SMOC2: variants seen among roughly 807,000 people sequenced by gnomAD.
SMOC2 encodes the protein SPARC-related modular calcium-binding protein 2.
A neutral mutation model predicts 61.4 loss-of-function variants in SMOC2; 39 were observed. The ratio of observed to expected loss-of-function variants is 0.64; its 90% CI spans 0.49 to 0.83. SMOC2 has a LOEUF of 0.83. Ranked by LOEUF, SMOC2 falls within the 40% of genes least tolerant of loss-of-function variation. The pLI is 0.00. For missense variants in SMOC2, 556 were observed against 592.9 expected (o/e 0.94, Z 0.65); for synonymous variants, 247 against 239.9 (o/e 1.03, Z -0.27).
At chr6:168,655,318 A>C in intron 11 of SMOC2, 1 of 441,744 alleles carries the variant, frequency 2.3e-6, no homozygotes, top group Non-Finnish European at 4.6e-6. Flanking sequence ...GGCCCAGACC[A>C]GTTATTCCAA....
chr6:168,456,758 G>T, intron 1 of SMOC2, among the ~76,000 whole-genome samples: 1 of 152,166 alleles, frequency 6.6e-6, no homozygotes, highest in South Asian at 2.1e-4. Flanking sequence ...GGAGGAGAAG[G>T]TGGGATTTCC....
At chr6:168,520,932 C>T (rs530833010) in intron 2 of SMOC2, among the ~76,000 whole-genome samples, 27 of 152,322 alleles carry the variant, frequency 1.8e-4, no homozygotes, top group African/African-American at 6.0e-4. Context: ...TCCCTTTTAA[C>T]TGTTCCTTTT....
intron 1 of SMOC2, among the ~76,000 whole-genome samples, chr6:168,497,782 C>T (rs1447555367): frequency 6.6e-6 from 1 of 152,200 alleles, no homozygotes; most frequent in East Asian, 1.9e-4. Context: ...GGTCTCCTTA[C>T]AACCACGTTT....
chr6:168,633,507 A>G (rs1263088506), intron 9 of SMOC2, among the ~76,000 whole-genome samples: 1 of 152,234 alleles, frequency 6.6e-6, no homozygotes, highest in African/African-American at 2.4e-5. Context: ...GATTTGAACT[A>G]TTGTAAAGAA....
chr6:168,600,995 C>T (rs1785538534), intron 8 of SMOC2, among the ~76,000 whole-genome samples: 2 of 152,150 alleles, frequency 1.3e-5, no homozygotes. Context: ...TCGATGTGTC[C>T]TAGATTTATA....
intron 1 of SMOC2, among the ~76,000 whole-genome samples, chr6:168,481,154 TC>T (rs1167941970): frequency 6.6e-6 from 1 of 152,102 alleles, no homozygotes; most frequent in Non-Finnish European, 1.5e-5. Flanking sequence ...AATAAAGATC[TC>T]AGCAAAGGTA....
intron 1 of SMOC2, among the ~76,000 whole-genome samples, chr6:168,500,101 G>T (rs1352400135): frequency 7.9e-5 from 12 of 151,966 alleles, no homozygotes; most frequent in African/African-American, 2.9e-4. Context: ...GAGCTCAGGA[G>T]TTCGAGGCCA....
intron 7 of SMOC2, among the ~76,000 whole-genome samples, chr6:168,595,181 TCCTG>T (rs1785291092): frequency 7.5e-6 from 1 of 133,528 alleles, no homozygotes; most frequent in Non-Finnish European, 1.6e-5. Flanking sequence ...TCCTCCTCCT[TCCTG>T]AGGCCTCACG....
At chr6:168,457,623 G>C (rs1781616123) in intron 1 of SMOC2, among the ~76,000 whole-genome samples, 1 of 152,184 alleles carries the variant, frequency 6.6e-6, no homozygotes, top group Non-Finnish European at 1.5e-5. Flanking sequence ...TCACTGCCGG[G>C]GTGGGAGCCT....
chr6:168,655,450 AG>A (rs1398121772), intron 11 of SMOC2: 1 of 456,028 alleles, frequency 2.2e-6, no homozygotes, highest in Admixed American at 2.3e-5. Context: ...GAGGCAAGCC[AG>A]GAGAAGCCGG....
At chr6:168,517,012 C>T (rs747329172) in intron 2 of SMOC2, among the ~76,000 whole-genome samples, 1 of 152,178 alleles carries the variant, frequency 6.6e-6, no homozygotes, top group Admixed American at 6.5e-5. Flanking sequence ...TTGGTGAACC[C>T]CTGGAGTGAT....
At chr6:168,504,091 GCTGGCCTTGACACATCCACGT>G (rs752010042) in intron 1 of SMOC2, among the ~76,000 whole-genome samples, 1 of 152,030 alleles carries the variant, frequency 6.6e-6, no homozygotes, top group Non-Finnish European at 1.5e-5. Flanking sequence ...TCTTCCTACT[GCTGGCCTTGACACATCCACGT>G]CTGTGGATTT....
At position 168,587,401 on chromosome 6, in the gene SMOC2, T is replaced by C. The variant is rs567833526; in HGVS notation, c.638-11417T>C. Among the ~76,000 whole-genome samples the C allele has an allele frequency of 3.9e-5, 6 of 152,318 alleles. No homozygotes were observed. The East Asian group carries it at 1.2e-3, about 29-fold the overall frequency. On this transcript the variant is annotated intron_variant, in intron 7 of 12. Transcript: ENST00000356284. ...GGCCTCGGGAGGTCCTAACGACGCG[T>C]GCCCAAGGTGGTCGGGGCACAGCTT...
chr6:168,499,299 G>A (rs770213889), intron 1 of SMOC2, among the ~76,000 whole-genome samples: 11 of 152,182 alleles, frequency 7.2e-5, no homozygotes, highest in Non-Finnish European at 1.3e-4. Flanking sequence ...TGTGGGAACC[G>A]CAGTCCAACG....
chr6:168,481,302 T>A (rs1326368430), intron 1 of SMOC2, among the ~76,000 whole-genome samples: 1 of 152,138 alleles, frequency 6.6e-6, no homozygotes, highest in Non-Finnish European at 1.5e-5. Context: ...AAGATGTGAT[T>A]TTGTAACATA....
chr6:168,656,938 C>T (rs1052016771), intron 11 of SMOC2, among the ~76,000 whole-genome samples: 1 of 152,222 alleles, frequency 6.6e-6, no homozygotes, highest in Non-Finnish European at 1.5e-5. Context: ...GCCCCCTGTG[C>T]TGGCCCGGCC....
At chr6:168,636,291 A>T (rs1786716891) in intron 9 of SMOC2, among the ~76,000 whole-genome samples, 1 of 152,242 alleles carries the variant, frequency 6.6e-6, no homozygotes. Context: ...ATGCCAGCAC[A>T]GTGCACTAAG....
chr6:168,644,644 CTTTT>C (rs34203137), intron 9 of SMOC2, among the ~76,000 whole-genome samples: 4 of 99,488 alleles, frequency 4.0e-5, no homozygotes, highest in African/African-American at 7.3e-5. Context: ...GAATGCCTTT[CTTTT>C]TTTTTTTTTT....
chr6:168,444,260 T>C (rs936999260), intron 1 of SMOC2, among the ~76,000 whole-genome samples: 1 of 152,122 alleles, frequency 6.6e-6, no homozygotes, highest in Non-Finnish European at 1.5e-5. Context: ...TTTCTTCTCA[T>C]CTAGAAGCAG....
Sources: gnomAD v4.1 joint callset for allele counts (sites outside exome capture counted in the v4.1 genomes callset) on GRCh38, gnomAD v4.1.1 for gene constraint, MANE v1.5 for transcripts, NCBI Gene and HGNC (gene_info 2026-07-23, HGNC 2026-07-21) for gene names.